The following TNPO3 variants were observed in gnomAD, a reference collection of about 807,000 sequenced individuals.
TNPO3 encodes the protein transportin-3.
A neutral mutation model predicts 122.8 loss-of-function variants in TNPO3; 65 were observed. That is an observed-to-expected ratio of 0.53 (90% confidence interval 0.43 to 0.65). The LOEUF is 0.65. TNPO3 is among the 30% of genes least tolerant of loss of function. The probability of loss-of-function intolerance (pLI) is 0.00; values close to 1 mark genes in which losing one functional copy is unlikely to be tolerated. For synonymous variants in TNPO3, 372 were observed against 411.2 expected, an observed-to-expected ratio of 0.90 and a Z score of 1.15; for missense variants, 850 against 1,136.7, an observed-to-expected ratio of 0.75 and a Z score of 3.63.
At position 128,967,329 on chromosome 7, in the gene TNPO3, C is replaced by T. The variant is rs765613943; in HGVS notation, c.2662G>A (p.Val888Ile). Reference protein sequence around the residue: ...GLPKETTVGAVTVTHKQLTDF... With the variant: ...GLPKETTVGAITVTHKQLTDF... ...GTAAGTTGTTTGTGTGTCACTGTGA[C>T]GGCTCCCACGGTTGTTTCCTTTGGC... Residue 888 changes from valine (V) to isoleucine (I), a missense_variant, in exon 21 of 23, where the codon GTC becomes ATC. Coordinates refer to ENST00000265388, the MANE Select transcript of TNPO3 (RefSeq NM_012470.4). 5.7e-5 allele frequency: 92 copies of T among 1,613,912 alleles called. No individual in the cohort carries two copies. Among genetic ancestry groups the T allele is most frequent in the Non-Finnish European group, 7.0e-5 (83 of 1,179,918 alleles).
intron 16 of TNPO3, 127 bp from the exon 17 acceptor site, chr7:128,976,062 C>G: frequency 1.5e-6 from 1 of 675,130 alleles, no homozygotes; most frequent in Non-Finnish European, 2.7e-6. Context: ...TAGTATAAAG[C>G]TTCTTAGCAC....
At chr7:129,039,653 C>G (rs1305511495) in intron 1 of TNPO3, among the ~76,000 whole-genome samples, 2 of 152,050 alleles carry the variant, frequency 1.3e-5, no homozygotes, top group Non-Finnish European at 2.9e-5. Flanking sequence ...CAAACGATAG[C>G]CAAAAAGTGG....
chr7:129,019,778 A>C (rs1324933807), intron 1 of TNPO3, among the ~76,000 whole-genome samples: 1 of 152,004 alleles, frequency 6.6e-6, no homozygotes, highest in Non-Finnish European at 1.5e-5. Flanking sequence ...CAGATCACCT[A>C]AGGTCAGGAG....
intron 1 of TNPO3, among the ~76,000 whole-genome samples, chr7:129,020,639 C>T (rs1409442588): frequency 6.6e-6 from 1 of 152,050 alleles, no homozygotes; most frequent in African/African-American, 2.4e-5. Context: ...TGGGGTTTCG[C>T]CATGTTGCCC....
In TNPO3 at chr7:128,984,239, G is replaced by A. The variant is rs369976931; in HGVS notation, c.1711C>T (p.Arg571Ter). The A allele has an allele frequency of 3.1e-6, 5 of 1,612,158 alleles. No homozygotes were observed. Among genetic ancestry groups the A allele is most frequent in the Admixed American group, 1.7e-5 (1 of 59,778 alleles). ...LLKGTALVLA[R>*]LPLDKITECL... ...TCGGTAATCTTATCCAAAGGTAATC[G>A]GGCTAGGACAAGTGCTGTCCCTGAA... Residue 571 changes from arginine (R) to a stop codon, truncating the protein, a stop_gained, in exon 13 of 23, where the codon CGA (arginine) becomes TGA (stop). Coordinates refer to ENST00000265388, the MANE Select transcript of TNPO3 (RefSeq NM_012470.4). LOFTEE classifies it high-confidence loss of function.
chr7:129,050,092 A>AGGTGG (rs751494915), intron 1 of TNPO3, among the ~76,000 whole-genome samples: 1 of 151,618 alleles, frequency 6.6e-6, no homozygotes, highest in Non-Finnish European at 1.5e-5. Flanking sequence ...AAAAAGGGTG[A>AGGTGG]GGTGGGGTGG....
intron 11 of TNPO3, among the ~76,000 whole-genome samples, chr7:128,987,390 C>A (rs377360581): frequency 1.3e-5 from 2 of 152,072 alleles, no homozygotes; most frequent in Non-Finnish European, 2.9e-5. Context: ...TTACAAAAGG[C>A]CTTAAAAATA....
chr7:128,991,870 A>G (rs577281129), intron 10 of TNPO3, 129 bp downstream of exon 10: 10 of 499,260 alleles, frequency 2.0e-5, no homozygotes, highest in Admixed American at 7.6e-5. Context: ...TCAGAAGACT[A>G]GACGGCACAA....
chr7:129,001,556 G>C (rs969821013), intron 5 of TNPO3, among the ~76,000 whole-genome samples: 2 of 152,190 alleles, frequency 1.3e-5, no homozygotes, highest in African/African-American at 4.8e-5. Flanking sequence ...TGTGCACAGA[G>C]GGGCAGGGGT....
chr7:128,955,846 T>G (rs1196124987), intron 22 of TNPO3, among the ~76,000 whole-genome samples: 1 of 152,236 alleles, frequency 6.6e-6, no homozygotes, highest in Non-Finnish European at 1.5e-5. Context: ...GCGGAGTGGT[T>G]CAAAGTGAGG....
At chr7:129,016,224 C>G (rs532835514) in intron 3 of TNPO3, among the ~76,000 whole-genome samples, 56 of 152,208 alleles carry the variant, frequency 3.7e-4, no homozygotes, top group Non-Finnish European at 4.3e-4. Context: ...CCAAACCCCG[C>G]CTCTACTGAA....
Position 128,990,114 on chromosome 7 carries a change from G to C in TNPO3, c.1359-14C>G. On this transcript the variant is annotated splice_polypyrimidine_tract_variant and intron_variant, in intron 10 of 22. Coordinates refer to ENST00000265388, the MANE Select transcript of TNPO3 (RefSeq NM_012470.4). ...GGATTGTTTTCCCTGAGTACAGGCGGTAAGTACTCACAGTTACTGATTTCA... is the reference window on the plus strand; with the variant it reads ...GGATTGTTTTCCCTGAGTACAGGCGCTAAGTACTCACAGTTACTGATTTCA... 6.2e-7 allele frequency: 1 copy of C among 1,614,186 alleles called. No homozygotes were observed. Among genetic ancestry groups the C allele is most frequent in the Non-Finnish European group, 8.5e-7 (1 of 1,180,012 alleles).
chr7:128,993,318 A>C (rs1186893133), intron 9 of TNPO3, among the ~76,000 whole-genome samples: 1 of 152,214 alleles, frequency 6.6e-6, no homozygotes, highest in Non-Finnish European at 1.5e-5. Flanking sequence ...GATTGTCAGG[A>C]AAACCCCTGG....
intron 11 of TNPO3, 35 bp downstream of exon 11, chr7:128,989,926 A>C: frequency 6.3e-7 from 1 of 1,597,786 alleles, no homozygotes; most frequent in Non-Finnish European, 8.6e-7. Context: ...AAAAATGACA[A>C]GTTAGAAGTG....
upstream of TNPO3, chr7:129,055,955 C>T: frequency 2.9e-6 from 2 of 689,652 alleles, no homozygotes; most frequent in Non-Finnish European, 5.3e-6. Context: ...AACAACCTTG[C>T]CAAGTATTAA....
At chr7:129,033,722 G>A (rs1806222007) in intron 1 of TNPO3, among the ~76,000 whole-genome samples, 1 of 151,980 alleles carries the variant, frequency 6.6e-6, no homozygotes, top group Non-Finnish European at 1.5e-5. Flanking sequence ...AGACCAGCCT[G>A]GCCAACATGG....
At chr7:129,013,434 C>CAAAA (rs3993440) in intron 4 of TNPO3, among the ~76,000 whole-genome samples, 10,190 of 127,200 alleles carry the variant, frequency 0.08, 464 homozygotes, top group South Asian at 0.14. Context: ...CAAATAATAG[C>CAAAA]AAAAAAAAAA....
intron 1 of TNPO3, among the ~76,000 whole-genome samples, chr7:129,047,487 T>C (rs1808189871): frequency 6.6e-6 from 1 of 152,214 alleles, no homozygotes; most frequent in South Asian, 2.1e-4. Context: ...AAAACAACCA[T>C]GGCTGTACAT....
chr7:129,035,869 A>G (rs1367678927), intron 1 of TNPO3, among the ~76,000 whole-genome samples: 1 of 152,162 alleles, frequency 6.6e-6, no homozygotes, highest in Non-Finnish European at 1.5e-5. Flanking sequence ...GATAAATCTA[A>G]ATAGTGAGGC....
Sources: gnomAD v4.1 joint callset for allele counts (sites outside exome capture counted in the v4.1 genomes callset) on GRCh38, gnomAD v4.1.1 for gene constraint, MANE v1.5 for transcripts, NCBI Gene and HGNC (gene_info 2026-07-23, HGNC 2026-07-21) for gene names.